LPCAT2: variants seen among roughly 807,000 people sequenced by gnomAD.
LPCAT2 encodes the protein lysophosphatidylcholine acyltransferase 2.
A neutral mutation model predicts 64.7 loss-of-function variants in LPCAT2; 58 were observed. The ratio of observed to expected loss-of-function variants is 0.90; its 90% CI spans 0.73 to 1.12. The LOEUF (loss-of-function observed/expected upper bound fraction) is 1.12. Among genes scored for constraint, LPCAT2 ranks in the 50% most tolerant of loss-of-function variants. The pLI is 0.00. For synonymous variants in LPCAT2, 252 were observed against 245.3 expected (o/e 1.03, Z -0.26); for missense variants, 579 against 669.8 (o/e 0.86, Z 1.50).
intron 11 of LPCAT2, among the ~76,000 whole-genome samples, chr16:55,555,059 A>T (rs1205568802): frequency 1.1e-4 from 17 of 152,308 alleles, no homozygotes; most frequent in Admixed American, 9.8e-4. Flanking sequence ...TAATAATAAA[A>T]TTTTTTGAAA....
At chr16:55,579,005 C>A in intron 12 of LPCAT2, 104 bp from the exon 13 acceptor site, 1 of 1,033,440 alleles carries the variant, frequency 9.7e-7, no homozygotes, top group African/African-American at 1.6e-5. Flanking sequence ...ATTTCTAGCC[C>A]TTGCCACAGT....
rs1396635755 is a variant in LPCAT2 at position 55,586,052 on chromosome 16, A to C, written c.*2954A>C. ...CAAGACCATTCCCGGGAAAGTAGACATACTTACATTTTTTTCCTTTTCTGC... is the reference window on the plus strand; with the variant it reads ...CAAGACCATTCCCGGGAAAGTAGACCTACTTACATTTTTTTCCTTTTCTGC... On this transcript the variant is annotated 3_prime_UTR_variant, in exon 14 of 14. Transcript: ENST00000262134. 3.9e-5 allele frequency: 6 copies of C among 152,184 alleles called. No homozygotes were observed. The highest frequency in any genetic ancestry group is 1.4e-4 in the African/African-American group (6 of 41,450). 9.4% of individuals were successfully genotyped at this position (152,184 alleles called of 1,614,324 possible).
chr16:55,545,218 AAG>A (rs2142394710), intron 8 of LPCAT2, among the ~76,000 whole-genome samples: 2 of 152,356 alleles, frequency 1.3e-5, no homozygotes, highest in East Asian at 3.9e-4. Flanking sequence ...AGCCAATACT[AAG>A]AGTTTTTTTA....
intron 7 of LPCAT2, among the ~76,000 whole-genome samples, chr16:55,535,311 A>C (rs1451896163): frequency 6.6e-6 from 1 of 152,188 alleles, no homozygotes; most frequent in Admixed American, 6.5e-5. Flanking sequence ...AGGCTTTTTT[A>C]GATAACTTCA....
intron 1 of LPCAT2, among the ~76,000 whole-genome samples, chr16:55,521,806 T>TAA (rs540165406): frequency 5.8e-4 from 88 of 151,692 alleles, no homozygotes; most frequent in African/African-American, 2.0e-3. Context: ...CCACTAGTGA[T>TAA]AAAAAAAGTT....
chr16:55,571,675 TAAAGA>T (rs1465251496), intron 11 of LPCAT2, among the ~76,000 whole-genome samples: 1 of 152,170 alleles, frequency 6.6e-6, no homozygotes, highest in African/African-American at 2.4e-5. Flanking sequence ...CAGTAGGTTT[TAAAGA>T]AAAGAACCAA....
Position 55,529,871 on chromosome 16 carries a change from G to T in LPCAT2, c.566G>T (p.Arg189Leu). 6.2e-7 allele frequency: 1 copy of T among 1,612,102 alleles called. No homozygotes were observed. The highest frequency in any genetic ancestry group is 8.5e-7 in the Non-Finnish European group (1 of 1,179,240). Residue 189 changes from arginine (R) to leucine (L), a missense_variant, in exon 4 of 14, where the codon CGT becomes CTT. Arg to Leu is a moderately radical substitution (Grantham distance 102). Coordinates refer to ENST00000262134, the MANE Select transcript of LPCAT2 (RefSeq NM_017839.5). ...LRAVQPVLVS[R>L]VDPDSRKNTI... ...GCTGTGCAACCAGTTTTGGTGTCCC[G>T]TGTAGATCCGGATTCCCGAAAAAAC...
rs1263512562 is a variant in LPCAT2 at position 55,529,844 on chromosome 16, G to A, written c.539G>A (p.Arg180Gln). ...TTCATTTGTTTTAAAGGACTGTTACGGGCTGTGCAACCAGTTTTGGTGTCC... is the reference window on the plus strand; with the variant it reads ...TTCATTTGTTTTAAAGGACTGTTACAGGCTGTGCAACCAGTTTTGGTGTCC... ...AQVPLIGRLLRAVQPVLVSRV... is the reference protein window; with the variant it reads ...AQVPLIGRLLQAVQPVLVSRV... Residue 180 changes from arginine (R) to glutamine (Q), a missense_variant, in exon 4 of 14, where the codon CGG becomes CAG. Coordinates refer to ENST00000262134, the MANE Select transcript of LPCAT2 (RefSeq NM_017839.5). 6.2e-6 allele frequency: 10 copies of A among 1,608,400 alleles called. No individual in the cohort carries two copies. Among genetic ancestry groups the A allele is most frequent in the East Asian group, 2.2e-5 (1 of 44,782 alleles).
At chr16:55,549,873 C>A (rs1203768393) in intron 10 of LPCAT2, among the ~76,000 whole-genome samples, 1 of 152,074 alleles carries the variant, frequency 6.6e-6, no homozygotes, top group African/African-American at 2.4e-5. Flanking sequence ...AAAAAAAAGG[C>A]AAAAATCTTC....
intron 5 of LPCAT2, 159 bp from the exon 6 acceptor site, chr16:55,532,665 T>G: frequency 2.5e-6 from 1 of 400,284 alleles, no homozygotes; most frequent in Non-Finnish European, 4.6e-6. Context: ...AAATCCCTCA[T>G]TTTGGTAAGC....
chr16:55,533,406 GTTTTTTTTTT>G (rs11335464), intron 6 of LPCAT2, among the ~76,000 whole-genome samples: 7 of 96,444 alleles, frequency 7.3e-5, no homozygotes, highest in Admixed American at 1.3e-4. Context: ...TGTTTTTCGG[GTTTTTTTTTT>G]TTTTTTTTTT....
chr16:55,524,795 G>C lies in LPCAT2; in HGVS notation c.172-713G>C, dbSNP rs148590712. Reference sequence around the variant, plus strand: ...TATAACCAAACTAAGTTCAAATCCTGGTTCTACCACTTGTGATCTTAAGCA... The same window carrying C: ...TATAACCAAACTAAGTTCAAATCCTCGTTCTACCACTTGTGATCTTAAGCA... On this transcript the variant is annotated intron_variant, in intron 1 of 13. Coordinates refer to ENST00000262134, the MANE Select transcript of LPCAT2 (RefSeq NM_017839.5). 3.4e-3 allele frequency among the ~76,000 whole-genome samples: 521 copies of C among 152,028 alleles called. 4 individuals carry two copies. The highest frequency in any genetic ancestry group is 7.9e-3 in the South Asian group (38 of 4,816).
chr16:55,533,017 G>A (rs1201056369), intron 6 of LPCAT2, 135 bp downstream of exon 6: 6 of 602,908 alleles, frequency 1.0e-5, no homozygotes, highest in African/African-American at 3.8e-5. Context: ...CATTCTGCTC[G>A]CCACATCTAG....
At chr16:55,531,783 T>A in intron 4 of LPCAT2, 131 bp from the exon 5 acceptor site, 5 of 640,124 alleles carry the variant, frequency 7.8e-6, no homozygotes, top group South Asian at 1.8e-5. Context: ...TTCATTAGAA[T>A]CAAATGTTAG....
Position 55,567,082 on chromosome 16 carries a change from C to T in LPCAT2, c.1216-7549C>T, listed in dbSNP as rs773580049. ...ATGAATATTCTCAACAAAGTCCTTT[C>T]TAAGCACAAAGATCTTAAGACTGAC... On this transcript the variant is annotated intron_variant, in intron 11 of 13. Transcript: ENST00000262134. The T allele has an allele frequency of 4.0e-5, 64 of 1,613,670 alleles. No individual in the cohort carries two copies. The highest frequency in any genetic ancestry group is 5.1e-5 in the Non-Finnish European group (60 of 1,179,882).
intron 1 of LPCAT2, among the ~76,000 whole-genome samples, chr16:55,515,200 A>G (rs1962993124): frequency 1.3e-5 from 2 of 151,736 alleles, no homozygotes. Context: ...CTGCCTTCCC[A>G]AGGAGCTCAA....
chr16:55,518,892 G>A (rs1356400341), intron 1 of LPCAT2, among the ~76,000 whole-genome samples: 3 of 151,890 alleles, frequency 2.0e-5, no homozygotes, highest in Non-Finnish European at 4.4e-5. Context: ...GACATACAAC[G>A]AAAGTACTAG....
At position 55,579,271 on chromosome 16, in the gene LPCAT2, T is replaced by G. The variant is rs371777101; in HGVS notation, c.1450+27T>G. ...TGAGTAGGCAATCTGGCCTCCTGAC[T>G]TAGTTTACAAGGAGGACATCCAGAC... On this transcript the variant is annotated intron_variant, in intron 13 of 13. Transcript: ENST00000262134. 3.7e-6 allele frequency: 6 copies of G among 1,606,566 alleles called. No homozygotes were observed. In the East Asian group the frequency reaches 8.9e-5, roughly 24 times the overall value.
At chr16:55,509,484 C>G in intron 1 of LPCAT2, 132 bp downstream of exon 1, 1 of 979,186 alleles carries the variant, frequency 1.0e-6, no homozygotes. Context: ...GTGAGGTGGT[C>G]CGAGGCGGGC....
Sources: allele counts gnomAD v4.1 joint callset (sites outside exome capture counted in the v4.1 genomes callset), GRCh38; gene constraint gnomAD v4.1.1; transcripts MANE v1.5; gene names NCBI Gene and HGNC (gene_info 2026-07-23, HGNC 2026-07-21).